GALNT14: variants seen among roughly 807,000 people sequenced by gnomAD.
GALNT14 encodes polypeptide N-acetylgalactosaminyltransferase 14.
A neutral mutation model predicts 77.5 loss-of-function variants in GALNT14; 60 were observed. That is an observed-to-expected ratio of 0.77 (90% CI 0.63 to 0.96). GALNT14 has a LOEUF of 0.96. Ranked by LOEUF, GALNT14 falls within the 40% of genes least tolerant of loss-of-function variation. The pLI is 0.00. For missense variants in GALNT14, 710 were observed against 731.0 expected (o/e 0.97, Z 0.33); for synonymous variants, 280 against 281.7 (o/e 0.99, Z 0.06).
At chr2:31,062,845 C>A (rs1174791784) in intron 1 of GALNT14, among the ~76,000 whole-genome samples, 1 of 152,116 alleles carries the variant, frequency 6.6e-6, no homozygotes, top group African/African-American at 2.4e-5. Context: ...TGTTTGTTGG[C>A]CACATAAATG....
intron 6 of GALNT14, among the ~76,000 whole-genome samples, chr2:30,950,563 C>T (rs1228863085): frequency 1.3e-5 from 2 of 152,216 alleles, no homozygotes; most frequent in African/African-American, 2.4e-5. Context: ...GCCCTCACCC[C>T]CTGTCCCCAA....
chr2:31,058,207 C>G (rs1674358173), intron 1 of GALNT14, among the ~76,000 whole-genome samples: 1 of 152,228 alleles, frequency 6.6e-6, no homozygotes. Flanking sequence ...ACTGGCACAA[C>G]TCTTCACTAG....
intron 1 of GALNT14, among the ~76,000 whole-genome samples, chr2:31,069,500 TG>T (rs1675208059): frequency 6.6e-6 from 1 of 152,150 alleles, no homozygotes; most frequent in African/African-American, 2.4e-5. Context: ...AATGAAGAAA[TG>T]GAGTCTCTGA....
intron 13 of GALNT14, 150 bp downstream of exon 13, chr2:30,923,969 G>T (rs1012010131): frequency 8.2e-6 from 7 of 852,612 alleles, no homozygotes; most frequent in East Asian, 2.4e-5. Flanking sequence ...GTGGCAGAGT[G>T]GGGGGATCAC....
chr2:30,994,765 C>T (rs1453132198), intron 1 of GALNT14, among the ~76,000 whole-genome samples: 1 of 152,136 alleles, frequency 6.6e-6, no homozygotes, highest in East Asian at 1.9e-4. Context: ...TTTAATTCAT[C>T]ACAATTTTCT....
intron 1 of GALNT14, among the ~76,000 whole-genome samples, chr2:31,100,737 C>T (rs150672051): frequency 6.1e-4 from 93 of 151,958 alleles, no homozygotes; most frequent in African/African-American, 2.1e-3. Flanking sequence ...TACAGATGCT[C>T]CTAGACTTAT....
intron 1 of GALNT14, among the ~76,000 whole-genome samples, chr2:31,093,034 G>A (rs1676829896): frequency 6.6e-6 from 1 of 152,156 alleles, no homozygotes; most frequent in South Asian, 2.1e-4. Context: ...AGTGGCTCCT[G>A]TCTGAGGTTC....
intron 1 of GALNT14, among the ~76,000 whole-genome samples, chr2:30,995,015 G>A (rs1253283882): frequency 6.6e-6 from 1 of 152,096 alleles, no homozygotes; most frequent in Non-Finnish European, 1.5e-5. Flanking sequence ...CTTGAAGGAT[G>A]AGTAGGGATC....
intron 1 of GALNT14, among the ~76,000 whole-genome samples, chr2:31,057,297 A>ATATATATATATATATATAAAATTATATAT (rs1674279975): frequency 8.3e-6 from 1 of 121,170 alleles, no homozygotes; most frequent in African/African-American, 3.2e-5. Flanking sequence ...TTGAAATTAT[A>ATATATATATATATATATAAAATTATATAT]TATATATATA....
intron 12 of GALNT14, 131 bp downstream of exon 12, chr2:30,924,609 T>C (rs1665246773): frequency 1.4e-6 from 1 of 700,230 alleles, no homozygotes; most frequent in African/African-American, 1.8e-5. Context: ...CGGAGCCAAC[T>C]GGTCTTCTTA....
intron 1 of GALNT14, among the ~76,000 whole-genome samples, chr2:31,084,195 T>C (rs1038394790): frequency 3.9e-5 from 6 of 152,172 alleles, no homozygotes; most frequent in African/African-American, 1.4e-4. Flanking sequence ...CAACCGATTA[T>C]TATGCCCCAT....
intron 2 of GALNT14, among the ~76,000 whole-genome samples, chr2:30,992,117 C>A (rs1669739223): frequency 6.6e-6 from 1 of 152,216 alleles, no homozygotes; most frequent in Admixed American, 6.5e-5. Flanking sequence ...GAGATTGAGA[C>A]TGACCTGCTT....
At chr2:31,115,558 G>A (rs1344805353) in intron 1 of GALNT14, among the ~76,000 whole-genome samples, 4 of 152,204 alleles carry the variant, frequency 2.6e-5, no homozygotes, top group Non-Finnish European at 5.9e-5. Context: ...ACAGGTAATG[G>A]AAGTGACAAA....
intron 1 of GALNT14, among the ~76,000 whole-genome samples, chr2:31,134,989 G>T (rs1338601203): frequency 6.6e-6 from 1 of 152,190 alleles, no homozygotes; most frequent in East Asian, 1.9e-4. Flanking sequence ...TATGTAAATG[G>T]AGTCTGTGAA....
intron 1 of GALNT14, among the ~76,000 whole-genome samples, chr2:31,061,715 A>T (rs1674602121): frequency 6.6e-6 from 1 of 152,186 alleles, no homozygotes; most frequent in South Asian, 2.1e-4. Context: ...TCAAGAAAAA[A>T]GGTAGGCTCA....
chr2:30,939,193 A>G (rs1056323711), intron 9 of GALNT14, among the ~76,000 whole-genome samples: 1 of 152,202 alleles, frequency 6.6e-6, no homozygotes, highest in Non-Finnish European at 1.5e-5. Flanking sequence ...GAAGAAAGAG[A>G]CAAACACATA....
intron 3 of GALNT14, among the ~76,000 whole-genome samples, chr2:30,959,884 G>T (rs549963639): frequency 3.9e-5 from 6 of 152,160 alleles, no homozygotes; most frequent in Non-Finnish European, 7.3e-5. Context: ...AGCTATCACG[G>T]GATTCCCTGT....
chr2:31,007,423 T>G (rs142949549), intron 1 of GALNT14, among the ~76,000 whole-genome samples: 1 of 152,308 alleles, frequency 6.6e-6, no homozygotes, highest in African/African-American at 2.4e-5. Context: ...CATAAGTAAT[T>G]GCTCCCCAAA....
chr2:30,900,338 A>G, the GALNT14 span, among the ~76,000 whole-genome samples: 1 of 152,216 alleles, frequency 6.6e-6, no homozygotes, highest in Non-Finnish European at 1.5e-5. Context: ...CTCTGTCATT[A>G]TGAAGTAAAA....
Sources: gnomAD v4.1 joint callset for allele counts (sites outside exome capture counted in the v4.1 genomes callset) on GRCh38, gnomAD v4.1.1 for gene constraint, MANE v1.5 for transcripts, NCBI Gene and HGNC (gene_info 2026-07-23, HGNC 2026-07-21) for gene names.